RASSF4: variants seen among roughly 807,000 people sequenced by gnomAD.
The protein encoded by RASSF4 is Ras association domain family member 4.
In RASSF4, 38 loss-of-function variants were observed where a neutral mutation model predicts 41.1. The ratio of observed to expected loss-of-function variants is 0.92; its 90% CI spans 0.71 to 1.21. The LOEUF is 1.21. Ranked by LOEUF, RASSF4 falls within the 50% of genes most tolerant of loss-of-function variation. RASSF4 has a pLI of 0.00. For missense variants in RASSF4, 414 were observed against 419.4 expected (o/e 0.99, Z 0.11); for synonymous variants, 179 against 163.4 (o/e 1.10, Z -0.73).
chr10:44,991,412 C>T (rs531658882), intron 9 of RASSF4: 16 of 224,740 alleles, frequency 7.1e-5, no homozygotes, highest in Non-Finnish European at 1.2e-4. Flanking sequence ...CCCTACCTCG[C>T]ACCTGTGGAA....
intron 3 of RASSF4, among the ~76,000 whole-genome samples, chr10:44,975,094 G>A (rs927331739): frequency 6.6e-6 from 1 of 152,078 alleles, no homozygotes; most frequent in Non-Finnish European, 1.5e-5. Flanking sequence ...CGCCTGGGGC[G>A]CGGCGCCGAG....
At chr10:44,986,391 A>T (rs1841922105) in intron 6 of RASSF4, among the ~76,000 whole-genome samples, 1 of 152,228 alleles carries the variant, frequency 6.6e-6, no homozygotes, top group Non-Finnish European at 1.5e-5. Flanking sequence ...TGAAATGAAC[A>T]GTGAGGGTTT....
intron 4 of RASSF4, chr10:44,983,469 C>T (rs534317788): frequency 3.3e-4 from 56 of 171,058 alleles, no homozygotes; most frequent in African/African-American, 1.2e-3. Flanking sequence ...ACAGCAGTCG[C>T]GGCTGTGCCC....
Position 44,970,032 on chromosome 10 carries a change from C to T in RASSF4, c.-38-133C>T, listed in dbSNP as rs368675644. ...TGGGTCTGGGCCAGACCCTTTCAGC[C>T]GCAGCCACCTTGTGCCAAGGCGGTG... On this transcript the variant is annotated intron_variant, in intron 1 of 10. Transcript: ENST00000340258. The T allele has an allele frequency of 1.5e-4, 93 of 640,098 alleles. No homozygotes were observed. In the African/African-American group the frequency reaches 1.5e-3, roughly 11 times the overall value. 39.7% of individuals were successfully genotyped at this position (640,098 alleles called of 1,614,324 possible).
chr10:44,989,491 C>A (rs993550604), intron 7 of RASSF4, 116 bp downstream of exon 7: 1 of 940,022 alleles, frequency 1.1e-6, no homozygotes, highest in Non-Finnish European at 1.7e-6. Flanking sequence ...GAAGGTCTAG[C>A]AAGGGTCCCT....
chr10:44,977,649 G>A (rs565976045), intron 3 of RASSF4: 1 of 1,613,092 alleles, frequency 6.2e-7, no homozygotes, highest in South Asian at 1.1e-5. Flanking sequence ...CCAGCAGAGG[G>A]GCCAGTCCTC....
Position 44,995,230 on chromosome 10 carries a change from A to G in RASSF4, c.*1901A>G, listed in dbSNP as rs778189050. ...CTCAGCCCTGGAGGCACAAAGATGG[A>G]GCCAGTCTGTCCTGTGTCTAGGGGT... On this transcript the variant is annotated 3_prime_UTR_variant, in exon 11 of 11. Coordinates refer to ENST00000340258, the MANE Select transcript of RASSF4 (RefSeq NM_032023.4). 3.9e-5 allele frequency: 6 copies of G among 152,300 alleles called. No individual in the cohort carries two copies. Among genetic ancestry groups the G allele is most frequent in the Non-Finnish European group, 8.8e-5 (6 of 68,088 alleles). The allele number at this position is 152,300 out of a possible 1,614,324, so 9.4% of individuals were successfully genotyped here. A position where few individuals can be genotyped will look rare whatever the true frequency, so the allele number is the denominator to read the frequency against.
intron 2 of RASSF4, chr10:44,971,434 G>A (rs746682926): frequency 1.2e-5 from 6 of 510,544 alleles, no homozygotes; most frequent in South Asian, 3.1e-5. Flanking sequence ...GGCATTTACT[G>A]TGAGGAAGCA....
chr10:44,973,512 G>C, intron 3 of RASSF4, among the ~76,000 whole-genome samples: 1 of 152,344 alleles, frequency 6.6e-6, no homozygotes, highest in African/African-American at 2.4e-5. Flanking sequence ...CTTTCCACAG[G>C]TGGTCCAAGC....
At chr10:44,989,602 A>G (rs1564467809) in intron 7 of RASSF4, 68 bp from the exon 8 acceptor site, 4 of 1,434,296 alleles carry the variant, frequency 2.8e-6, no homozygotes, top group Non-Finnish European at 3.0e-6. Flanking sequence ...AGTTACTGTC[A>G]GGGGACCCTC....
intron 7 of RASSF4, 23 bp downstream of exon 7, chr10:44,989,398 T>C: frequency 6.5e-7 from 1 of 1,535,454 alleles, no homozygotes; most frequent in Non-Finnish European, 9.0e-7. Context: ...AGGAGCAGCC[T>C]TGCCCCAGGA....
rs75485083 is a variant in RASSF4, at chr10:44,984,154, C to T, written c.373+41C>T. 5,022 of 1,535,486 alleles carry T rather than the reference C, an allele frequency of 3.3e-3. 131 individuals are homozygous for T. In the African/African-American group the frequency reaches 0.058, roughly 18 times the overall value. On this transcript the variant is annotated intron_variant, in intron 5 of 10. Coordinates refer to ENST00000340258, the MANE Select transcript of RASSF4 (RefSeq NM_032023.4). ...AAGCTGCCCAGACCCCTGCCTCATCCGGGGTAGGAGCAGAGGGGCTTGGCT... is the reference window on the plus strand; with the variant it reads ...AAGCTGCCCAGACCCCTGCCTCATCTGGGGTAGGAGCAGAGGGGCTTGGCT...
chr10:44,988,942 A>T (rs142727168), intron 6 of RASSF4, among the ~76,000 whole-genome samples: 54 of 152,318 alleles, frequency 3.5e-4, no homozygotes, highest in Non-Finnish European at 4.7e-4. Context: ...TCAACAGACA[A>T]CTGGTGACTT....
chr10:44,984,051 T>C lies in RASSF4; in HGVS notation c.311T>C (p.Ile104Thr), dbSNP rs1259034826. The C allele has an allele frequency of 6.2e-7, 1 of 1,606,118 alleles. No homozygotes were observed. ...GAGCCATCGCCCCAGAACGGGAACA[T>C]CACAGCCCAGGGGCCAAGCATTCAG... ...LKEPSPQNGNITAQGPSIQPV... is the reference protein window; with the variant it reads ...LKEPSPQNGNTTAQGPSIQPV... Residue 104 changes from isoleucine (I) to threonine (T), a missense_variant, in exon 5 of 11, where the codon ATC becomes ACC. By Grantham distance (89) the Ile-to-Thr change is moderately conservative. Coordinates refer to ENST00000340258, the MANE Select transcript of RASSF4 (RefSeq NM_032023.4).
intron 1 of RASSF4, among the ~76,000 whole-genome samples, chr10:44,960,360 T>C: frequency 6.6e-6 from 1 of 152,252 alleles, no homozygotes; most frequent in East Asian, 1.9e-4. Flanking sequence ...GTGAGAGTCC[T>C]ACTTTCGTTA....
intron 8 of RASSF4, chr10:44,990,635 C>T (rs1265267471): frequency 1.5e-5 from 3 of 197,898 alleles, no homozygotes; most frequent in South Asian, 1.2e-4. Flanking sequence ...TAGAGAGGGA[C>T]GGGGGCACAC....
At chr10:44,989,464 C>A in intron 7 of RASSF4, 89 bp downstream of exon 7, 1 of 1,030,022 alleles carries the variant, frequency 9.7e-7, no homozygotes, top group Non-Finnish European at 1.5e-6. Context: ...CTGCCCGTGG[C>A]AGAAGCTGCC....
intron 2 of RASSF4, 119 bp from the exon 3 acceptor site, chr10:44,971,654 C>T (rs763253373): frequency 4.8e-6 from 4 of 825,996 alleles, no homozygotes; most frequent in Admixed American, 3.4e-5. Flanking sequence ...GCCTGGCCGG[C>T]GAGAAGGGTG....
At chr10:44,987,252 C>T (rs141296169) in intron 6 of RASSF4, among the ~76,000 whole-genome samples, 2 of 152,128 alleles carry the variant, frequency 1.3e-5, no homozygotes, top group South Asian at 2.1e-4. Flanking sequence ...GTGCGCACCA[C>T]GATGCCTGGC....
Sources: allele counts gnomAD v4.1 joint callset (sites outside exome capture counted in the v4.1 genomes callset), GRCh38; gene constraint gnomAD v4.1.1; transcripts MANE v1.5; gene names NCBI Gene and HGNC (gene_info 2026-07-23, HGNC 2026-07-21).